SERPINE2: variants seen among roughly 807,000 people sequenced by gnomAD.
SERPINE2 encodes the protein serpin family E member 2.
SERPINE2 carries 14 observed loss-of-function variants against 36.3 expected under a neutral mutation model. The observed-to-expected ratio is 0.39, with a 90% CI of 0.25 to 0.60. SERPINE2 has a LOEUF of 0.60. SERPINE2 is among the 20% of genes least tolerant of loss of function. The pLI is 0.57. For missense variants in SERPINE2, 418 were observed against 499.6 expected, an observed-to-expected ratio of 0.84 and a Z score of 1.56; for synonymous variants, 192 against 191.8, an observed-to-expected ratio of 1.00 and a Z score of -0.01.
chr2:223,975,671 T>C lies in SERPINE2; in HGVS notation c.*196A>G, dbSNP rs533406320. ...TTCTATTCATTCCTCAGTACAGTGTTCCAGCCATCCTGCTTGTTTTTTCCC... is the reference window on the plus strand; with the variant it reads ...TTCTATTCATTCCTCAGTACAGTGTCCCAGCCATCCTGCTTGTTTTTTCCC... On this transcript the variant is annotated 3_prime_UTR_variant, in exon 9 of 9. Coordinates refer to ENST00000409304, the MANE Select transcript of SERPINE2 (RefSeq NM_001136528.2). 4.1e-6 allele frequency: 2 copies of C among 491,654 alleles called. No individual in the cohort carries two copies. Among genetic ancestry groups the C allele is most frequent in the South Asian group, 8.4e-5 (2 of 23,756 alleles). The allele number at this position is 491,654 out of a possible 1,614,324, so 30.5% of individuals were successfully genotyped here. A position where few individuals can be genotyped will look rare whatever the true frequency, so the allele number is the denominator to read the frequency against.
chr2:224,017,299 A>G (rs886754389), intron 1 of SERPINE2, among the ~76,000 whole-genome samples: 4 of 151,968 alleles, frequency 2.6e-5, no homozygotes, highest in Non-Finnish European at 5.9e-5. Context: ...GTGAATCTAT[A>G]TAACTATCTC....
intron 1 of SERPINE2, chr2:224,030,041 T>TG: frequency 1.0e-6 from 1 of 985,304 alleles, no homozygotes; most frequent in African/African-American, 1.7e-5. Context: ...ACTAACCTAA[T>TG]GGAAAAAAGC....
intron 7 of SERPINE2, chr2:223,977,880 C>G: frequency 2.4e-6 from 1 of 425,352 alleles, no homozygotes; most frequent in Non-Finnish European, 4.3e-6. Context: ...ATACTTACTC[C>G]TCATAGAGTT....
chr2:224,002,371 A>C (rs1574830497), intron 1 of SERPINE2, among the ~76,000 whole-genome samples: 1 of 152,232 alleles, frequency 6.6e-6, no homozygotes, highest in Non-Finnish European at 1.5e-5. Flanking sequence ...GTGTAATTAA[A>C]TCAGTTTTCA....
intron 8 of SERPINE2, 23 bp downstream of exon 8, chr2:223,977,521 G>C (rs767227205): frequency 1.4e-6 from 2 of 1,467,474 alleles, no homozygotes; most frequent in Admixed American, 3.3e-5. Context: ...GAGAGGGCAT[G>C]ATGGAAGAGG....
chr2:224,039,269 C>A lies in SERPINE2; in HGVS notation c.-193G>T, dbSNP rs961576437. 6.6e-6 allele frequency: 1 copy of A among 150,470 alleles called. No individual in the cohort carries two copies. Among genetic ancestry groups the A allele is most frequent in the Non-Finnish European group, 1.5e-5 (1 of 67,362 alleles). 9.3% of individuals were successfully genotyped at this position (150,470 alleles called of 1,614,324 possible). On this transcript the variant is annotated 5_prime_UTR_variant, in exon 1 of 9. Coordinates refer to ENST00000409304, the MANE Select transcript of SERPINE2 (RefSeq NM_001136528.2). This position sits in a 1 kb window ranked among gnomAD's most constrained non-coding sequence, Gnocchi z 5.2. ...TGGCGCCTGCAGACGCCGCGCAGCC[C>A]GGGCAGCCCCACAGCGCAAGCTGGC...
chr2:224,031,796 C>CT (rs1372143939), intron 1 of SERPINE2, among the ~76,000 whole-genome samples: 1 of 148,604 alleles, frequency 6.7e-6, no homozygotes, highest in Non-Finnish European at 1.5e-5. Context: ...AAAAGCCCCT[C>CT]TTTCCTCCTC....
chr2:224,009,658 G>A (rs1691556297), intron 1 of SERPINE2, among the ~76,000 whole-genome samples: 1 of 151,874 alleles, frequency 6.6e-6, no homozygotes, highest in African/African-American at 2.4e-5. Flanking sequence ...TTGTGCTACT[G>A]CACTCCAGCC....
At chr2:224,031,378 A>T (rs1559222912) in intron 1 of SERPINE2, 1 of 985,460 alleles carries the variant, frequency 1.0e-6, no homozygotes, top group East Asian at 1.1e-4. Context: ...GCTCTAGGAG[A>T]CCACATAGAG....
At chr2:224,010,431 A>C (rs1047737357) in intron 1 of SERPINE2, 1 of 904,304 alleles carries the variant, frequency 1.1e-6, no homozygotes, top group African/African-American at 1.8e-5. Flanking sequence ...ACACTCTGAC[A>C]TCAAGTGCCT....
intron 1 of SERPINE2, among the ~76,000 whole-genome samples, chr2:224,034,792 G>GC (rs1030306743): frequency 9.4e-5 from 14 of 148,354 alleles, no homozygotes; most frequent in African/African-American, 3.4e-4. Flanking sequence ...TCTCCACCCA[G>GC]GGGGGCTGCG....
intron 3 of SERPINE2, among the ~76,000 whole-genome samples, chr2:223,994,725 T>C (rs1371290975): frequency 6.6e-6 from 1 of 152,226 alleles, no homozygotes; most frequent in Non-Finnish European, 1.5e-5. Context: ...AGATGGACAG[T>C]ACCTCAGAAA....
rs557303688 is a variant in SERPINE2, at chr2:224,008,294, C to T, written c.-22-6372G>A. On this transcript the variant is annotated intron_variant, in intron 1 of 8. Transcript: ENST00000409304. ...TGGGTGCTGTTATAATTCTAACTTT[C>T]CTCCCTCACTTATTAATTAGAATAT... 2.6e-5 allele frequency among the ~76,000 whole-genome samples: 4 copies of T among 152,274 alleles called. No homozygotes were observed. In the South Asian group the frequency reaches 8.3e-4, roughly 32 times the overall value.
At chr2:223,999,643 C>T (rs184576977) in intron 2 of SERPINE2, among the ~76,000 whole-genome samples, 6 of 152,312 alleles carry the variant, frequency 3.9e-5, no homozygotes, top group Admixed American at 3.3e-4. Flanking sequence ...GGCTGAAAGA[C>T]AATTCCAAGG....
At position 223,998,188 on chromosome 2, in the gene SERPINE2, G is replaced by C. The variant is rs1384660985; in HGVS notation, c.414C>G (p.Val138=). 2 of 1,614,198 alleles carry C rather than the reference G, an allele frequency of 1.2e-6. No individual in the cohort carries two copies. The highest frequency in any genetic ancestry group is 2.2e-5 in the South Asian group (2 of 91,076). ...TRNKDVFQCE[V]RNVNFEDPAS... ...CTGGATCCTCAAAGTTCACATTCCGGACCTCACACTGGAACACATCTTTGT... is the reference window on the plus strand; with the variant it reads ...CTGGATCCTCAAAGTTCACATTCCGCACCTCACACTGGAACACATCTTTGT... Residue 138 remains valine, a synonymous_variant, in exon 3 of 9, where the codon GTC becomes GTG. Coordinates refer to ENST00000409304, the MANE Select transcript of SERPINE2 (RefSeq NM_001136528.2).
In SERPINE2 at chr2:224,038,701, G is replaced by A. The variant is rs191922698; in HGVS notation, c.-23+398C>T. Reference sequence around the variant, plus strand: ...CGCGCAGCCTAAGTCCGGGGTAGGGGTTGCCGGCGAGCAGCTGGAAACCTC... The same window carrying A: ...CGCGCAGCCTAAGTCCGGGGTAGGGATTGCCGGCGAGCAGCTGGAAACCTC... On this transcript the variant is annotated intron_variant, in intron 1 of 8. Transcript: ENST00000409304. The A allele has an allele frequency of 1.2e-4, 71 of 614,494 alleles. 1 individual carries two copies. The East Asian group carries it at 1.8e-3, about 16-fold the overall frequency. 38.1% of individuals were successfully genotyped at this position (614,494 alleles called of 1,614,324 possible).
chr2:223,984,321 C>T (rs1398671723), intron 5 of SERPINE2, among the ~76,000 whole-genome samples: 1 of 152,218 alleles, frequency 6.6e-6, no homozygotes, highest in African/African-American at 2.4e-5. Context: ...CCTTGGTCTT[C>T]ATGAACTTCT....
At chr2:224,025,125 C>T (rs1692141058) in intron 1 of SERPINE2, among the ~76,000 whole-genome samples, 1 of 152,126 alleles carries the variant, frequency 6.6e-6, no homozygotes, top group Non-Finnish European at 1.5e-5. Context: ...GGGAACCTGC[C>T]CACATCACAC....
chr2:224,006,743 T>G (rs114003205), intron 1 of SERPINE2, among the ~76,000 whole-genome samples: 1 of 152,174 alleles, frequency 6.6e-6, no homozygotes, highest in South Asian at 2.1e-4. Flanking sequence ...CTAAAAATAT[T>G]TTTAGCAACT....
Sources: gnomAD v4.1 joint callset for allele counts (sites outside exome capture counted in the v4.1 genomes callset) on GRCh38, gnomAD v4.1.1 for gene constraint, Gnocchi (gnomAD v3.1) non-coding constraint, MANE v1.5 for transcripts, NCBI Gene and HGNC (gene_info 2026-07-23, HGNC 2026-07-21) for gene names.